The following FAT3 variants were observed in gnomAD, a reference collection of about 807,000 sequenced individuals.
FAT3 encodes FAT atypical cadherin 3.
Under a neutral mutation model 310.2 loss-of-function variants are expected in FAT3, and 95 were observed. The observed-to-expected ratio is 0.31, with a 90% CI of 0.26 to 0.36. FAT3 has a LOEUF of 0.36. Ranked by LOEUF, FAT3 falls within the 10% of genes least tolerant of loss-of-function variation. FAT3 has a pLI of 1.00. For synonymous variants in FAT3, 2,314 were observed against 2,192.9 expected (o/e 1.06, Z -1.54); for missense variants, 5,408 against 5,715.6 (o/e 0.95, Z 1.74).
intron 3 of FAT3, among the ~76,000 whole-genome samples, chr11:92,693,827 G>A (rs61901900): frequency 2.6e-5 from 4 of 152,074 alleles, no homozygotes; most frequent in Admixed American, 6.6e-5. Context: ...TGCTGTAACC[G>A]TAAAATTTCA....
chr11:92,707,056 C>G (rs549403331), intron 4 of FAT3, among the ~76,000 whole-genome samples: 1 of 152,314 alleles, frequency 6.6e-6, no homozygotes, highest in East Asian at 1.9e-4. Flanking sequence ...AAGCTGCAGG[C>G]AAACACTTAT....
intron 3 of FAT3, among the ~76,000 whole-genome samples, chr11:92,630,261 G>C (rs1181913152): frequency 6.6e-6 from 1 of 152,076 alleles, no homozygotes; most frequent in African/African-American, 2.4e-5. Context: ...TCAGCCCTTT[G>C]GTCTCTTTGA....
At chr11:92,669,126 C>T (rs1382330893) in intron 3 of FAT3, among the ~76,000 whole-genome samples, 2 of 152,166 alleles carry the variant, frequency 1.3e-5, no homozygotes, top group Non-Finnish European at 2.9e-5. Flanking sequence ...CTTTTTTCAT[C>T]TTACTTGTGG....
intron 3 of FAT3, among the ~76,000 whole-genome samples, chr11:92,574,062 A>G (rs1938335244): frequency 6.6e-6 from 1 of 152,176 alleles, no homozygotes; most frequent in Admixed American, 6.6e-5. Context: ...ACATGCATCG[A>G]AATATCACAA....
intron 3 of FAT3, among the ~76,000 whole-genome samples, chr11:92,615,300 G>C (rs1940748340): frequency 6.6e-6 from 1 of 152,132 alleles, no homozygotes; most frequent in Non-Finnish European, 1.5e-5. Context: ...AGGCTGGAGT[G>C]CAGTGGCACG....
At chr11:92,822,522 T>C (rs530008922) in intron 13 of FAT3, among the ~76,000 whole-genome samples, 1 of 152,316 alleles carries the variant, frequency 6.6e-6, no homozygotes, top group South Asian at 2.1e-4. Flanking sequence ...AATGTGCTTA[T>C]CAGCTTTGCT....
At chr11:92,754,389 G>A (rs1945922405) in intron 4 of FAT3, among the ~76,000 whole-genome samples, 1 of 151,702 alleles carries the variant, frequency 6.6e-6, no homozygotes, top group Non-Finnish European at 1.5e-5. Context: ...AGTTTGGGAG[G>A]CCGAGGCGGG....
intron 3 of FAT3, among the ~76,000 whole-genome samples, chr11:92,622,418 G>A (rs939415082): frequency 7.2e-5 from 11 of 152,222 alleles, no homozygotes; most frequent in Non-Finnish European, 1.6e-4. Context: ...ACCTTGCTAA[G>A]TAATTCTTTG....
intron 2 of FAT3, among the ~76,000 whole-genome samples, chr11:92,486,052 G>C (rs1243249740): frequency 6.7e-6 from 1 of 150,268 alleles, no homozygotes; most frequent in African/African-American, 2.4e-5. Flanking sequence ...CTATAGGTAG[G>C]AGATATGGGA....
At chr11:92,345,802 T>C (rs1345351397) in intron 1 of FAT3, among the ~76,000 whole-genome samples, 1 of 150,280 alleles carries the variant, frequency 6.7e-6, no homozygotes, top group African/African-American at 2.4e-5. Context: ...AGCTTTCTAA[T>C]AGGCAAGCTG....
At chr11:92,823,257 C>T (rs1293267389) in intron 13 of FAT3, among the ~76,000 whole-genome samples, 2 of 152,150 alleles carry the variant, frequency 1.3e-5, no homozygotes, top group Non-Finnish European at 2.9e-5. Context: ...CACAGACATT[C>T]CATGTACCAA....
chr11:92,327,759 G>C (rs902430157), intron 1 of FAT3, among the ~76,000 whole-genome samples: 3 of 152,198 alleles, frequency 2.0e-5, no homozygotes, highest in African/African-American at 7.2e-5. Context: ...TGACTCTGAG[G>C]AAGTCACTTA....
At chr11:92,341,664 CT>C (rs1336412168) in intron 1 of FAT3, among the ~76,000 whole-genome samples, 1 of 152,096 alleles carries the variant, frequency 6.6e-6, no homozygotes, top group Non-Finnish European at 1.5e-5. Flanking sequence ...AGATAAGCTT[CT>C]TTTTCTCTTC....
intron 13 of FAT3, among the ~76,000 whole-genome samples, chr11:92,825,993 A>G (rs1948093910): frequency 6.6e-6 from 1 of 152,178 alleles, no homozygotes; most frequent in Non-Finnish European, 1.5e-5. Flanking sequence ...TACTATGTCC[A>G]GTTCAAATAA....
At chr11:92,763,224 C>G (rs1393542007) in intron 5 of FAT3, among the ~76,000 whole-genome samples, 1 of 151,770 alleles carries the variant, frequency 6.6e-6, no homozygotes. Context: ...TAGGTCTGTC[C>G]TTTATTATTT....
chr11:92,580,248 C>T (rs1938714708), intron 3 of FAT3, among the ~76,000 whole-genome samples: 1 of 152,050 alleles, frequency 6.6e-6, no homozygotes, highest in Admixed American at 6.6e-5. Context: ...AACTCCAGAG[C>T]ATCCTTACTT....
rs952136171 is a variant in FAT3 at position 92,404,872 on chromosome 11, T to G, written c.3292+49468T>G. On this transcript the variant is annotated intron_variant, in intron 2 of 27. Coordinates refer to ENST00000525166, the MANE Select transcript of FAT3 (RefSeq NM_001367949.2). ...TGCCTGAGCTGGGACATCTATCTTC[T>G]CCTACCCTTAAACACAGATGCTCCC... Among the ~76,000 whole-genome samples, 13 of 151,942 alleles carry G rather than the reference T, an allele frequency of 8.6e-5. No homozygotes were observed. The East Asian group carries it at 2.5e-3, about 30-fold the overall frequency.
In FAT3 at chr11:92,844,183, A is replaced by G. The variant is rs374595155; in HGVS notation, c.10816A>G (p.Ile3606Val). The stretch of plus-strand genomic sequence containing the variant: ...AGTGAACAGTCACGATGGGAAAATC[A>G]TCGCCCTGGGAGGCCTGGACAGCGG... ...FKVNSHDGKI[I>V]ALGGLDSGKY... Residue 3606 changes from isoleucine to valine, a missense_variant, in exon 19 of 28, where the codon ATC becomes GTC. This residue lies in a region of FAT3 where 4,588 missense variants were observed against 4,809.8 expected (regional missense o/e 0.95). Transcript: ENST00000525166. The G allele has an allele frequency of 6.2e-7, 1 of 1,614,066 alleles. No individual in the cohort carries two copies. Among genetic ancestry groups the G allele is most frequent in the Non-Finnish European group, 8.5e-7 (1 of 1,179,900 alleles).
At chr11:92,406,086 G>C (rs1449232306) in intron 2 of FAT3, among the ~76,000 whole-genome samples, 1 of 152,024 alleles carries the variant, frequency 6.6e-6, no homozygotes, top group East Asian at 2.0e-4. Flanking sequence ...ATAAGTACGT[G>C]TGCTTGATTG....
Sources: gnomAD v4.1 joint callset for allele counts (sites outside exome capture counted in the v4.1 genomes callset) on GRCh38, gnomAD v4.1.1 for gene constraint, gnomAD v4.1.1 regional missense constraint, MANE v1.5 for transcripts, NCBI Gene and HGNC (gene_info 2026-07-23, HGNC 2026-07-21) for gene names.